DNAH8: variants seen among roughly 807,000 people sequenced by gnomAD.
DNAH8 encodes the protein axonemal beta dynein heavy chain 8.
In DNAH8, 382 loss-of-function variants were observed where a neutral mutation model predicts 562.1. The observed-to-expected ratio is 0.68, with a 90% confidence interval of 0.63 to 0.74. The LOEUF (loss-of-function observed/expected upper bound fraction) is 0.74. DNAH8 is among the 30% of genes least tolerant of loss of function. The pLI, the probability that DNAH8 is intolerant of heterozygous loss-of-function variation, is 0.00. For missense variants in DNAH8, 5,203 were observed against 5,620.4 expected (o/e 0.93, Z 2.37); for synonymous variants, 1,881 against 1,919.4 (o/e 0.98, Z 0.52).
chr6:38,826,626 G>A (rs1344640815), intron 29 of DNAH8, among the ~76,000 whole-genome samples: 5 of 152,172 alleles, frequency 3.3e-5, no homozygotes. Flanking sequence ...TAATGCTATA[G>A]TGGGGTAGGT....
chr6:38,988,560 T>C (rs981133596), intron 87 of DNAH8, among the ~76,000 whole-genome samples: 3 of 152,220 alleles, frequency 2.0e-5, no homozygotes, highest in Non-Finnish European at 4.4e-5. Flanking sequence ...AACTTTCAAC[T>C]ACTCTCCATT....
In DNAH8 at chr6:38,723,057, G is replaced by T. The variant is rs1283417758; in HGVS notation, c.248G>T (p.Arg83Ile). ...GATGATCATGAAGCGGATCTGAATA[G>T]AGTTCGACAGAGGCTTGCACCGCGA... Reference protein sequence around the residue: ...LPDDHEADLNRVRQRLAPRPV... With the variant: ...LPDDHEADLNIVRQRLAPRPV... The change falls in exon 2 of 93, where the codon AGA becomes ATA. Residue 83 changes from arginine to isoleucine, a missense_variant. Coordinates refer to ENST00000327475, the MANE Select transcript of DNAH8 (RefSeq NM_001206927.2). The T allele has an allele frequency of 6.2e-7, 1 of 1,612,796 alleles. No homozygotes were observed. Among genetic ancestry groups the T allele is most frequent in the African/African-American group, 1.3e-5 (1 of 74,936 alleles).
intron 70 of DNAH8, among the ~76,000 whole-genome samples, chr6:38,919,940 A>G (rs1781581516): frequency 6.6e-6 from 1 of 152,238 alleles, no homozygotes; most frequent in Non-Finnish European, 1.5e-5. Context: ...TAAAAATAAC[A>G]TTAAAAATTA....
chr6:38,970,289 C>T (rs1763247550), intron 82 of DNAH8, among the ~76,000 whole-genome samples: 1 of 152,158 alleles, frequency 6.6e-6, no homozygotes, highest in African/African-American at 2.4e-5. Context: ...TATCCACGAT[C>T]CAGAGGCTCC....
intron 38 of DNAH8, among the ~76,000 whole-genome samples, chr6:38,851,111 A>G (rs1775706047): frequency 6.6e-6 from 1 of 152,182 alleles, no homozygotes. Context: ...TGGTGTCAGG[A>G]TAATTTTTTT....
chr6:38,793,706 AT>A (rs1197930729), intron 21 of DNAH8, among the ~76,000 whole-genome samples: 2 of 151,942 alleles, frequency 1.3e-5, no homozygotes, highest in African/African-American at 4.8e-5. Context: ...TAACTTATCT[AT>A]TTCTAGATGT....
At chr6:38,836,075 A>C (rs1227042176) in intron 32 of DNAH8, among the ~76,000 whole-genome samples, 1 of 152,130 alleles carries the variant, frequency 6.6e-6, no homozygotes, top group African/African-American at 2.4e-5. Context: ...ACCTGGTTTG[A>C]GGGAAAAAGT....
At chr6:38,726,862 T>G (rs1433180638) in intron 3 of DNAH8, among the ~76,000 whole-genome samples, 4 of 144,846 alleles carry the variant, frequency 2.8e-5, no homozygotes, top group Admixed American at 1.4e-4. Flanking sequence ...TTTTTTTTTT[T>G]TTTTTTTTTT....
At chr6:38,801,529 A>G (rs562733103) in intron 21 of DNAH8, among the ~76,000 whole-genome samples, 2 of 152,368 alleles carry the variant, frequency 1.3e-5, no homozygotes, top group Admixed American at 1.3e-4. Flanking sequence ...GTATAAACAC[A>G]TATGTCCAAT....
chr6:38,877,029 GA>G (rs1778070943), intron 53 of DNAH8, among the ~76,000 whole-genome samples: 1 of 152,150 alleles, frequency 6.6e-6, no homozygotes, highest in African/African-American at 2.4e-5. Flanking sequence ...ACTAACAAAG[GA>G]ATCTTTAAAT....
chr6:38,937,722 T>C (rs1430040275), intron 77 of DNAH8, among the ~76,000 whole-genome samples: 1 of 152,130 alleles, frequency 6.6e-6, no homozygotes, highest in Non-Finnish European at 1.5e-5. Context: ...AATGGGTCTT[T>C]TGCTTTTTGC....
intron 82 of DNAH8, among the ~76,000 whole-genome samples, chr6:38,957,866 C>CAAAAAAAAAAAAAAAAAAAAA (rs1209427701): frequency 2.6e-5 from 2 of 75,912 alleles, no homozygotes; most frequent in Non-Finnish European, 2.5e-5. Context: ...ATGCCTACAC[C>CAAAAAAAAAAAAAAAAAAAAA]AAAAAAAAAA....
At chr6:38,818,994 G>A (rs1265174732) in intron 26 of DNAH8, among the ~76,000 whole-genome samples, 3 of 152,048 alleles carry the variant, frequency 2.0e-5, no homozygotes, top group Non-Finnish European at 4.4e-5. Flanking sequence ...TTTATTACTC[G>A]GCTCACAAAC....
chr6:38,715,941 TATATATATA>T lies in DNAH8; in HGVS notation c.-35+527_-35+535del, dbSNP rs1562520607. Among the ~76,000 whole-genome samples, 91 of 16,992 alleles carry T rather than the reference TATATATATA, an allele frequency of 5.4e-3. 8 individuals carry two copies. The highest frequency in any genetic ancestry group is 0.022 in the Middle Eastern group (1 of 46). 11.1% of individuals were successfully genotyped at this position (16,992 alleles called of 152,430 possible). A position where few individuals can be genotyped will look rare whatever the true frequency, so the allele number is the denominator to read the frequency against. On this transcript the variant is annotated intron_variant, in intron 1 of 92. Coordinates refer to ENST00000327475, the MANE Select transcript of DNAH8 (RefSeq NM_001206927.2). Reference sequence around the variant, plus strand: ...AAATAAATAAATATATATATATATATATATATATATATATATATATTTTTTTTTTTTTTT... The same window carrying T: ...AAATAAATAAATATATATATATATATTATATATATATTTTTTTTTTTTTTT...
At chr6:38,832,660 T>C (rs1773940345) in intron 31 of DNAH8, among the ~76,000 whole-genome samples, 1 of 152,196 alleles carries the variant, frequency 6.6e-6, no homozygotes, top group African/African-American at 2.4e-5. Flanking sequence ...GGGCCACACA[T>C]AAAATACGCT....
intron 76 of DNAH8, among the ~76,000 whole-genome samples, chr6:38,933,391 A>G (rs1400834408): frequency 6.6e-6 from 1 of 152,122 alleles, no homozygotes; most frequent in African/African-American, 2.4e-5. Flanking sequence ...CCTCCTAACA[A>G]TCCTACTATT....
chr6:38,837,916 G>A (rs749658300), intron 32 of DNAH8, 26 bp from the exon 33 acceptor site: 2 of 1,449,632 alleles, frequency 1.4e-6, no homozygotes, highest in Non-Finnish European at 1.9e-6. Flanking sequence ...TTGTATTTTA[G>A]TACAATTTAA....
chr6:39,019,415 G>C (rs1165704846), intron 91 of DNAH8, among the ~76,000 whole-genome samples: 1 of 152,220 alleles, frequency 6.6e-6, no homozygotes, highest in African/African-American at 2.4e-5. Context: ...GAAGATGTTG[G>C]TGGAGAGATT....
chr6:38,914,639 G>A (rs1461812583), intron 67 of DNAH8, among the ~76,000 whole-genome samples: 1 of 151,854 alleles, frequency 6.6e-6, no homozygotes. Flanking sequence ...CATGAGCCAT[G>A]GTGCCCGGCC....
Sources: allele counts gnomAD v4.1 joint callset (sites outside exome capture counted in the v4.1 genomes callset), GRCh38; gene constraint gnomAD v4.1.1; transcripts MANE v1.5; gene names NCBI Gene and HGNC (gene_info 2026-07-23, HGNC 2026-07-21).